Variants in TBCD observed in about 807,000 individuals in gnomAD.
TBCD encodes the protein tubulin folding cofactor D.
In TBCD, 105 loss-of-function variants were observed where a neutral mutation model predicts 169.3. That is an observed-to-expected ratio of 0.62 (90% CI 0.53 to 0.73). The LOEUF (loss-of-function observed/expected upper bound fraction) is 0.73. Among genes scored for constraint, TBCD ranks in the 30% least tolerant of loss-of-function variants. TBCD has a pLI of 0.00. For missense variants in TBCD, 1,444 were observed against 1,600.1 expected, an observed-to-expected ratio of 0.90 and a Z score of 1.66; for synonymous variants, 700 against 643.9, an observed-to-expected ratio of 1.09 and a Z score of -1.32.
intron 28 of TBCD, 85 bp from the exon 29 acceptor site, chr17:82,927,101 A>C: frequency 6.4e-7 from 1 of 1,574,548 alleles, no homozygotes; most frequent in Non-Finnish European, 8.6e-7. Context: ...TCTTCTCAGG[A>C]TCAGGAACAC....
rs1361731203 is a variant in TBCD at position 82,920,383 on chromosome 17, T to C, written c.2039-173T>C. 1 of 645,566 alleles carries C rather than the reference T, an allele frequency of 1.5e-6. No individual in the cohort carries two copies. Among genetic ancestry groups the C allele is most frequent in the Non-Finnish European group, 2.7e-6 (1 of 369,238 alleles). The allele number at this position is 645,566 out of a possible 1,614,324, so 40.0% of individuals were successfully genotyped here. ...CGGAGGAGGCGTCTTGGGCTTCTCATGGTGGTTCTGAAATGGTTCTGGGAT... is the reference window on the plus strand; with the variant it reads ...CGGAGGAGGCGTCTTGGGCTTCTCACGGTGGTTCTGAAATGGTTCTGGGAT... On this transcript the variant is annotated intron_variant, in intron 23 of 38. Coordinates refer to ENST00000355528, the MANE Select transcript of TBCD (RefSeq NM_005993.5). The surrounding 1 kb of genome is among the most constrained non-coding windows in gnomAD (Gnocchi z 4.1).
intron 6 of TBCD, among the ~76,000 whole-genome samples, chr17:82,780,458 C>A (rs74000079): frequency 0.096 from 14,580 of 151,716 alleles, 1,878 homozygotes; most frequent in African/African-American, 0.29. Context: ...GTGGAGAAAT[C>A]AGGAGGATCT....
intron 13 of TBCD, chr17:82,838,936 A>G (rs2054220124): frequency 4.1e-6 from 4 of 985,448 alleles, no homozygotes; most frequent in Non-Finnish European, 4.8e-6. Flanking sequence ...AATTAGGGGC[A>G]CAGATGTGGA....
intron 13 of TBCD, among the ~76,000 whole-genome samples, chr17:82,834,963 C>G (rs969102828): frequency 2.0e-5 from 3 of 151,934 alleles, no homozygotes; most frequent in Non-Finnish European, 4.4e-5. Context: ...TTTGGGAGGC[C>G]GAGGTGGGAG....
intron 13 of TBCD, among the ~76,000 whole-genome samples, chr17:82,850,161 T>C (rs751801221): frequency 0.46 from 8,329 of 17,936 alleles, 2,831 homozygotes; most frequent in East Asian, 0.55. Context: ...GGCTGTGCTG[T>C]TGTTGCCTGT....
intron 21 of TBCD, 140 bp downstream of exon 21, chr17:82,907,961 C>T (rs948081893): frequency 1.3e-5 from 11 of 843,382 alleles, no homozygotes; most frequent in Admixed American, 2.8e-5. Context: ...GGGGGACCTG[C>T]GGTGTGATCA....
chr17:82,881,519 C>T (rs1012466630), intron 14 of TBCD, among the ~76,000 whole-genome samples: 7 of 152,124 alleles, frequency 4.6e-5, no homozygotes, highest in Non-Finnish European at 4.4e-5. Context: ...GGAAGCTTCT[C>T]GCTCCCAGCC....
intron 8 of TBCD, among the ~76,000 whole-genome samples, chr17:82,799,313 C>G (rs1351109527): frequency 1.3e-5 from 2 of 151,826 alleles, no homozygotes; most frequent in African/African-American, 4.8e-5. Flanking sequence ...CATGGTGGCA[C>G]ATGCCTGTAA....
intron 13 of TBCD, among the ~76,000 whole-genome samples, chr17:82,839,264 C>CAT (rs916708412): frequency 1.3e-5 from 2 of 152,172 alleles, no homozygotes; most frequent in Admixed American, 6.5e-5. Context: ...ATACACCACA[C>CAT]ATATATATAA....
intron 13 of TBCD, chr17:82,830,098 G>A (rs1299975280): frequency 2.5e-6 from 4 of 1,611,240 alleles, no homozygotes; most frequent in East Asian, 2.2e-5. Context: ...CTTGGAAGGC[G>A]TGTGTGTGGC....
chr17:82,770,847 C>G (rs561432906), intron 5 of TBCD, among the ~76,000 whole-genome samples: 43 of 152,078 alleles, frequency 2.8e-4, no homozygotes, highest in Non-Finnish European at 4.9e-4. Context: ...AACCCCATCT[C>G]TACTAAAAAT....
intron 11 of TBCD, among the ~76,000 whole-genome samples, chr17:82,808,600 TCCA>T (rs2051181190): frequency 1.1e-5 from 1 of 95,060 alleles, no homozygotes; most frequent in Non-Finnish European, 2.0e-5. Flanking sequence ...ATGAGGCAGG[TCCA>T]AGGGCTGGCA....
chr17:82,784,658 A>C (rs2049174479), intron 7 of TBCD, among the ~76,000 whole-genome samples: 1 of 152,184 alleles, frequency 6.6e-6, no homozygotes, highest in Admixed American at 6.5e-5. Flanking sequence ...GGCAGTGGCC[A>C]GGGTGGGGGT....
chr17:82,855,992 A>C (rs200907314), intron 13 of TBCD, among the ~76,000 whole-genome samples: 1,856 of 81,066 alleles, frequency 0.023, 46 homozygotes, highest in African/African-American at 0.074. Flanking sequence ...CTCCCCCCCC[A>C]CTTTTTTTTT....
intron 13 of TBCD, among the ~76,000 whole-genome samples, chr17:82,847,126 C>T (rs189348924): frequency 0.01 from 1,596 of 152,046 alleles, 19 homozygotes; most frequent in Non-Finnish European, 0.015. Flanking sequence ...CCAAGGTGGG[C>T]GGATCATGAG....
chr17:82,942,234 G>A (rs2063370149), intron 38 of TBCD: 12 of 605,114 alleles, frequency 2.0e-5, no homozygotes, highest in Admixed American at 9.1e-5. Context: ...CTCCCTTCCC[G>A]CTCCCCAGAT....
At chr17:82,839,227 C>A (rs1314207601) in intron 13 of TBCD, among the ~76,000 whole-genome samples, 1 of 152,180 alleles carries the variant, frequency 6.6e-6, no homozygotes, top group African/African-American at 2.4e-5. Context: ...AAACATATAA[C>A]CCTAAATTCA....
Position 82,868,277 on chromosome 17 carries a change from C to T in TBCD, c.1319-1947C>T, listed in dbSNP as rs2057321025. On this transcript the variant is annotated intron_variant, in intron 13 of 38. Transcript: ENST00000355528. Reference sequence around the variant, plus strand: ...CACTGGGCTTGAAGAAGCTGCAGCGCATCCAGGTGGGGTGTCCTGAGGAAA... The same window carrying T: ...CACTGGGCTTGAAGAAGCTGCAGCGTATCCAGGTGGGGTGTCCTGAGGAAA... Among the ~76,000 whole-genome samples, 3 of 152,226 alleles carry T rather than the reference C, an allele frequency of 2.0e-5. No homozygotes were observed. In the South Asian group the frequency reaches 6.2e-4, roughly 32 times the overall value.
intron 14 of TBCD, among the ~76,000 whole-genome samples, chr17:82,870,997 G>A (rs572682383): frequency 1.2e-4 from 18 of 152,376 alleles, no homozygotes; most frequent in Admixed American, 8.5e-4. Context: ...TGAGATGTAA[G>A]TGAACACTTC....
Sources: allele counts gnomAD v4.1 joint callset (sites outside exome capture counted in the v4.1 genomes callset), GRCh38; gene constraint gnomAD v4.1.1; non-coding constraint Gnocchi (gnomAD v3.1); transcripts MANE v1.5; gene names NCBI Gene and HGNC (gene_info 2026-07-23, HGNC 2026-07-21).